SBF2: variants seen among roughly 807,000 people sequenced by gnomAD.
SBF2 encodes myotubularin-related protein 13.
In SBF2, 112 loss-of-function variants were observed where a neutral mutation model predicts 225.2. The ratio of observed to expected loss-of-function variants is 0.50; its 90% CI spans 0.43 to 0.58. The LOEUF is 0.58. Ranked by LOEUF, SBF2 falls within the 20% of genes least tolerant of loss-of-function variation. The pLI, the probability that SBF2 is intolerant of heterozygous loss-of-function variation, is 0.00. For synonymous variants in SBF2, 763 were observed against 773.3 expected, an observed-to-expected ratio of 0.99 and a Z score of 0.22; for missense variants, 1,996 against 2,206.2, an observed-to-expected ratio of 0.90 and a Z score of 1.91.
intron 2 of SBF2, among the ~76,000 whole-genome samples, chr11:10,151,602 T>C (rs1272033222): frequency 6.6e-6 from 1 of 152,246 alleles, no homozygotes; most frequent in African/African-American, 2.4e-5. Flanking sequence ...CATTTTAACT[T>C]AAAACATAAA....
chr11:9,816,363 A>G (rs1180278294), intron 29 of SBF2, among the ~76,000 whole-genome samples: 1 of 152,202 alleles, frequency 6.6e-6, no homozygotes, highest in Non-Finnish European at 1.5e-5. Context: ...AGTGTTACTC[A>G]GAAAACCTAG....
chr11:9,929,903 G>C (rs1052427213), intron 16 of SBF2, among the ~76,000 whole-genome samples: 1 of 152,038 alleles, frequency 6.6e-6, no homozygotes, highest in Admixed American at 6.6e-5. Flanking sequence ...TGATTGTAAC[G>C]GTTCCTATTC....
intron 1 of SBF2, among the ~76,000 whole-genome samples, chr11:10,230,626 T>C (rs750048483): frequency 1.3e-5 from 2 of 152,234 alleles, no homozygotes; most frequent in Non-Finnish European, 2.9e-5. Context: ...TTTAAGAATG[T>C]TGAATGTTGG....
At chr11:10,023,620 T>C (rs1284653989) in intron 6 of SBF2, among the ~76,000 whole-genome samples, 1 of 152,232 alleles carries the variant, frequency 6.6e-6, no homozygotes, top group Non-Finnish European at 1.5e-5. Context: ...AACACAATCA[T>C]ATAATATACG....
At chr11:10,190,091 C>CAG (rs1484097206) in intron 2 of SBF2, among the ~76,000 whole-genome samples, 1 of 150,848 alleles carries the variant, frequency 6.6e-6, no homozygotes, top group Non-Finnish European at 1.5e-5. Flanking sequence ...GCAGAGGCTG[C>CAG]AGTGAGCCAA....
chr11:10,268,675 A>C (rs1033043023), intron 1 of SBF2, among the ~76,000 whole-genome samples: 1 of 152,330 alleles, frequency 6.6e-6, no homozygotes, highest in Admixed American at 6.5e-5. Context: ...AAAAAGTAGT[A>C]GTCTCTCTGT....
intron 17 of SBF2, among the ~76,000 whole-genome samples, chr11:9,879,095 C>A (rs1183849074): frequency 2.0e-5 from 3 of 152,220 alleles, no homozygotes; most frequent in Non-Finnish European, 4.4e-5. Flanking sequence ...ATTTATAGCA[C>A]CACATAATTG....
chr11:9,842,120 T>C (rs1325052953), intron 25 of SBF2, among the ~76,000 whole-genome samples: 1 of 152,212 alleles, frequency 6.6e-6, no homozygotes, highest in Non-Finnish European at 1.5e-5. Context: ...CCTCTATTTT[T>C]CCCACTGAGA....
intron 2 of SBF2, among the ~76,000 whole-genome samples, chr11:10,126,430 T>C (rs1179586194): frequency 6.6e-6 from 1 of 152,038 alleles, no homozygotes; most frequent in East Asian, 1.9e-4. Context: ...ATGGTCAATG[T>C]GTTGACAGAT....
chr11:9,929,275 C>CAA (rs370197885), intron 16 of SBF2: 54 of 165,432 alleles, frequency 3.3e-4, no homozygotes, highest in African/African-American at 8.2e-4. Flanking sequence ...AAACAAAAAA[C>CAA]AAAAAAAAAA....
At chr11:10,146,464 C>G (rs1195743212) in intron 2 of SBF2, among the ~76,000 whole-genome samples, 6 of 152,242 alleles carry the variant, frequency 3.9e-5, no homozygotes, top group African/African-American at 1.4e-4. Flanking sequence ...AAAAAACAAG[C>G]ACTGGGGAAA....
chr11:10,263,176 C>T (rs1472342567), intron 1 of SBF2, among the ~76,000 whole-genome samples: 3 of 151,786 alleles, frequency 2.0e-5, no homozygotes. Context: ...TTCTGTTATC[C>T]TTTTAAATAA....
At chr11:10,160,522 C>G (rs1055885209) in intron 2 of SBF2, among the ~76,000 whole-genome samples, 1 of 152,104 alleles carries the variant, frequency 6.6e-6, no homozygotes, top group African/African-American at 2.4e-5. Flanking sequence ...AGAGGAATTA[C>G]GGCAGTACAT....
At chr11:9,793,336 C>G (rs545269706) in intron 33 of SBF2, among the ~76,000 whole-genome samples, 1 of 152,160 alleles carries the variant, frequency 6.6e-6, no homozygotes. Context: ...CCCGTGGGAC[C>G]AGTGGTGGGT....
intron 16 of SBF2, among the ~76,000 whole-genome samples, chr11:9,932,090 A>G (rs1417217447): frequency 6.6e-6 from 1 of 152,234 alleles, no homozygotes; most frequent in Non-Finnish European, 1.5e-5. Flanking sequence ...AAAAAAGAGT[A>G]AAAAGCAACA....
intron 31 of SBF2, chr11:9,808,436 T>C (rs1049589054): frequency 3.7e-6 from 2 of 544,484 alleles, no homozygotes; most frequent in Non-Finnish European, 6.6e-6. Flanking sequence ...ACTGGCCAGT[T>C]TGCTGACAGC....
At chr11:10,238,844 C>T (rs1330723844) in intron 1 of SBF2, among the ~76,000 whole-genome samples, 3 of 150,734 alleles carry the variant, frequency 2.0e-5, no homozygotes, top group East Asian at 1.9e-4. Context: ...ACCTGGGAGG[C>T]AGAGGTTGCG....
intron 17 of SBF2, among the ~76,000 whole-genome samples, chr11:9,889,623 G>A (rs1371263283): frequency 6.6e-6 from 1 of 152,054 alleles, no homozygotes; most frequent in Non-Finnish European, 1.5e-5. Flanking sequence ...AATAATACAG[G>A]TTACCTAAGC....
chr11:9,803,110 T>G (rs1204217746), intron 32 of SBF2, among the ~76,000 whole-genome samples: 1 of 152,246 alleles, frequency 6.6e-6, no homozygotes, highest in East Asian at 1.9e-4. Context: ...TTTTACAGTT[T>G]GTGAAGCATT....
Sources: gnomAD v4.1 joint callset for allele counts (sites outside exome capture counted in the v4.1 genomes callset) on GRCh38, gnomAD v4.1.1 for gene constraint, MANE v1.5 for transcripts, NCBI Gene and HGNC (gene_info 2026-07-23, HGNC 2026-07-21) for gene names.